The following RALYL variants were observed in gnomAD, a reference collection of about 807,000 sequenced individuals.
RALYL encodes RALY RNA binding protein like, also known as RNA-binding Raly-like protein.
A neutral mutation model predicts 35.1 loss-of-function variants in RALYL; 29 were observed. That is an observed-to-expected ratio of 0.83 (90% CI 0.61 to 1.13). The LOEUF (loss-of-function observed/expected upper bound fraction) is 1.13. Among genes scored for constraint, RALYL ranks in the 50% most tolerant of loss-of-function variants. The pLI is 0.00. For synonymous variants in RALYL, 120 were observed against 127.6 expected (o/e 0.94, Z 0.40); for missense variants, 359 against 360.4 (o/e 1.00, Z 0.03).
At chr8:84,199,230 A>G (rs1359181065) in intron 1 of RALYL, among the ~76,000 whole-genome samples, 1 of 151,956 alleles carries the variant, frequency 6.6e-6, no homozygotes, top group Non-Finnish European at 1.5e-5. Flanking sequence ...TTCGATGTGC[A>G]TTTCTCTGTG....
chr8:84,480,946 A>T (rs2053977278), intron 1 of RALYL, among the ~76,000 whole-genome samples: 2 of 152,300 alleles, frequency 1.3e-5, no homozygotes, highest in South Asian at 2.1e-4. Flanking sequence ...GAAAATTTCC[A>T]TATTCCTGCA....
intron 4 of RALYL, among the ~76,000 whole-genome samples, chr8:84,831,426 T>C (rs973718991): frequency 2.0e-5 from 3 of 151,948 alleles, no homozygotes; most frequent in Admixed American, 6.5e-5. Context: ...CAGAAAATTA[T>C]GATGTATCAT....
At chr8:84,363,544 A>G (rs1301032595) in intron 1 of RALYL, among the ~76,000 whole-genome samples, 2 of 152,192 alleles carry the variant, frequency 1.3e-5, no homozygotes, top group Non-Finnish European at 2.9e-5. Flanking sequence ...TGCCTAATTT[A>G]CTTTTTAGCT....
At chr8:84,449,957 C>T (rs776346671) in intron 1 of RALYL, among the ~76,000 whole-genome samples, 1 of 151,784 alleles carries the variant, frequency 6.6e-6, no homozygotes, top group Non-Finnish European at 1.5e-5. Flanking sequence ...ATATTGTCCT[C>T]ATTTCATGTC....
At chr8:84,495,480 TTAAAAA>T (rs1476232171) in intron 1 of RALYL, among the ~76,000 whole-genome samples, 2 of 152,070 alleles carry the variant, frequency 1.3e-5, no homozygotes, top group Admixed American at 6.6e-5. Context: ...AATTTATATT[TTAAAAA>T]TATCTAACAA....
intron 2 of RALYL, among the ~76,000 whole-genome samples, chr8:84,626,548 G>A (rs1305180751): frequency 2.0e-5 from 3 of 152,040 alleles, no homozygotes; most frequent in African/African-American, 7.2e-5. Flanking sequence ...CTTTGACAAG[G>A]AACATAAAAA....
chr8:84,843,253 G>A (rs1341183637), intron 4 of RALYL, among the ~76,000 whole-genome samples: 1 of 151,938 alleles, frequency 6.6e-6, no homozygotes, highest in Non-Finnish European at 1.5e-5. Flanking sequence ...TAAGCTGATA[G>A]GCAACTTCAG....
chr8:84,755,114 C>A (rs1364382361), intron 2 of RALYL, among the ~76,000 whole-genome samples: 2 of 152,000 alleles, frequency 1.3e-5, no homozygotes, highest in African/African-American at 2.4e-5. Flanking sequence ...AGGAAGAGGG[C>A]AGATATGCAA....
intron 1 of RALYL, among the ~76,000 whole-genome samples, chr8:84,388,629 T>C (rs978039881): frequency 9.2e-5 from 14 of 152,218 alleles, no homozygotes; most frequent in African/African-American, 3.4e-4. Context: ...TTTGGCTGCA[T>C]AAATGTCTTC....
At chr8:84,448,507 G>C (rs540794000) in intron 1 of RALYL, among the ~76,000 whole-genome samples, 1 of 152,058 alleles carries the variant, frequency 6.6e-6, no homozygotes, top group South Asian at 2.1e-4. Flanking sequence ...CTTATGAAGA[G>C]AGGTGATGAA....
At chr8:84,419,719 C>T (rs1187122357) in intron 1 of RALYL, among the ~76,000 whole-genome samples, 2 of 131,800 alleles carry the variant, frequency 1.5e-5, no homozygotes, top group East Asian at 4.8e-4. Context: ...ACAACAGTCC[C>T]CAGAGTGTGA....
intron 8 of RALYL, among the ~76,000 whole-genome samples, chr8:84,901,583 G>C (rs1473773134): frequency 6.6e-6 from 1 of 152,092 alleles, no homozygotes; most frequent in Non-Finnish European, 1.5e-5. Context: ...AGGCAAGAAG[G>C]GTTTTTCTTT....
At chr8:84,756,779 G>GT (rs397969558) in intron 2 of RALYL, among the ~76,000 whole-genome samples, 33,009 of 146,834 alleles carry the variant, frequency 0.22, 3,701 homozygotes, top group African/African-American at 0.26. Context: ...TGTAAAAGGT[G>GT]TTTTTTTTTT....
At chr8:84,236,217 G>T (rs1826516292) in intron 1 of RALYL, among the ~76,000 whole-genome samples, 1 of 152,166 alleles carries the variant, frequency 6.6e-6, no homozygotes, top group Non-Finnish European at 1.5e-5. Flanking sequence ...TTGGAAAGAT[G>T]AGAACACCAT....
At chr8:84,791,564 C>CA (rs967085802) in intron 3 of RALYL, among the ~76,000 whole-genome samples, 9 of 152,086 alleles carry the variant, frequency 5.9e-5, no homozygotes, top group Non-Finnish European at 1.3e-4. Flanking sequence ...CATATGTTGA[C>CA]AATGGATTGT....
chr8:84,336,991 A>G (rs560472659), intron 1 of RALYL, among the ~76,000 whole-genome samples: 1 of 148,350 alleles, frequency 6.7e-6, no homozygotes, highest in Admixed American at 6.7e-5. Context: ...TTGTATTCAT[A>G]TTTTTTATTT....
intron 1 of RALYL, among the ~76,000 whole-genome samples, chr8:84,478,769 C>G (rs1000748962): frequency 3.4e-4 from 51 of 151,776 alleles, no homozygotes; most frequent in African/African-American, 1.2e-3. Context: ...TTCAGATATT[C>G]TCTTTAGTTT....
chr8:84,270,993 T>C (rs1834202296), intron 1 of RALYL, among the ~76,000 whole-genome samples: 2 of 152,092 alleles, frequency 1.3e-5, no homozygotes, highest in East Asian at 3.9e-4. Flanking sequence ...ACGTAGAGAA[T>C]ATTTGTAATC....
intron 2 of RALYL, among the ~76,000 whole-genome samples, chr8:84,739,847 C>A (rs1847965156): frequency 6.6e-6 from 1 of 151,914 alleles, no homozygotes; most frequent in Non-Finnish European, 1.5e-5. Flanking sequence ...TTAAAACTAA[C>A]TAGAACACCT....
Sources: allele counts gnomAD v4.1 joint callset (sites outside exome capture counted in the v4.1 genomes callset), GRCh38; gene constraint gnomAD v4.1.1; transcripts MANE v1.5; gene names NCBI Gene and HGNC (gene_info 2026-07-23, HGNC 2026-07-21).